The following TG variants were observed in gnomAD, a reference collection of about 807,000 sequenced individuals.
TG encodes thyroglobulin.
TG carries 270 observed loss-of-function variants against 324.7 expected under a neutral mutation model. That is an observed-to-expected ratio of 0.83 (90% CI 0.75 to 0.92). The LOEUF (loss-of-function observed/expected upper bound fraction) is 0.92. Among genes scored for constraint, TG ranks in the 40% least tolerant of loss-of-function variants. The pLI, the probability that TG is intolerant of heterozygous loss-of-function variation, is 0.00. For missense variants in TG, 3,591 were observed against 3,456.4 expected, an observed-to-expected ratio of 1.04 and a Z score of -0.98; for synonymous variants, 1,401 against 1,327.0, an observed-to-expected ratio of 1.06 and a Z score of -1.21.
intron 41 of TG, among the ~76,000 whole-genome samples, chr8:133,059,598 G>A (rs576547967): frequency 1.0e-3 from 152 of 152,108 alleles, no homozygotes; most frequent in African/African-American, 3.5e-3. Context: ...TGGGACATAA[G>A]GTTTCCTTTG....
At chr8:133,085,543 G>C (rs1244647285) in intron 41 of TG, among the ~76,000 whole-genome samples, 2 of 152,106 alleles carry the variant, frequency 1.3e-5, no homozygotes, top group Non-Finnish European at 2.9e-5. Context: ...AAATAAGCAA[G>C]GGATCTGAAT....
rs764048186 is a variant in TG at position 132,901,560 on chromosome 8, C to A, written c.3634+7C>A. On this transcript the variant is annotated splice_region_variant and intron_variant, in intron 16 of 47. Coordinates refer to ENST00000220616, the MANE Select transcript of TG (RefSeq NM_003235.5). ...GGCCAGCCCGCCTGTGAGAGTAAGT[C>A]ATGACCCCCTGGGGGGACGACGAGG... 5.0e-6 allele frequency: 8 copies of A among 1,611,840 alleles called. No homozygotes were observed. Among genetic ancestry groups the A allele is most frequent in the Non-Finnish European group, 6.8e-6 (8 of 1,179,294 alleles).
In TG at chr8:132,869,755, G is replaced by C; in HGVS notation, c.203G>C (p.Arg68Pro). 2 of 1,614,154 alleles carry C rather than the reference G, an allele frequency of 1.2e-6. No homozygotes were observed. Among genetic ancestry groups the C allele is most frequent in the Non-Finnish European group, 8.5e-7 (1 of 1,180,028 alleles). The part of the protein sequence containing the change: ...FQTVQCQNDG[R>P]SCWCVGANGS... ...ACTGTCCAGTGCCAGAACGACGGCC[G>C]CTCCTGCTGGTGTGTGGGTGCCAAC... The change falls in exon 3 of 48, where the codon CGC becomes CCC. Residue 68 changes from arginine to proline, a missense_variant. Physicochemically the swap from Arg to Pro is moderately radical, Grantham distance 103 (BLOSUM62 -2). Transcript: ENST00000220616.
intron 41 of TG, chr8:133,040,036 G>A (rs1391373729): frequency 2.6e-6 from 4 of 1,552,100 alleles, no homozygotes; most frequent in Admixed American, 2.0e-5. Context: ...TCTGACGCAA[G>A]GTGACAGGTG....
At chr8:132,941,307 C>T (rs776051866) in intron 25 of TG, 44 bp from the exon 26 acceptor site, 6 of 1,611,128 alleles carry the variant, frequency 3.7e-6, no homozygotes, top group Admixed American at 3.3e-5. Context: ...CCAACTCTGC[C>T]ATGTTTTGAG....
Position 132,919,462 on chromosome 8 carries a change from G to T in TG, c.4465G>T (p.Ala1489Ser). 1 of 1,614,094 alleles carries T rather than the reference G, an allele frequency of 6.2e-7. No individual in the cohort carries two copies. The highest frequency in any genetic ancestry group is 8.5e-7 in the Non-Finnish European group (1 of 1,179,994). Residue 1489 changes from alanine (A) to serine (S), a missense_variant, in exon 21 of 48, where the codon GCC becomes TCC. By Grantham distance (99) the Ala-to-Ser change is moderately conservative (BLOSUM62 1). Transcript: ENST00000220616. ...CTACCAAGAACAGGCAGGGAGCTTG[G>T]CCTGTGTCCCATGTCCTGTGGGCAG... is the stretch of plus-strand genomic sequence containing the variant. The part of the protein sequence containing the change: ...GFYQEQAGSL[A>S]CVPCPVGRTT...
intron 23 of TG, among the ~76,000 whole-genome samples, chr8:132,932,044 A>G (rs1424189963): frequency 1.3e-5 from 2 of 152,222 alleles, no homozygotes; most frequent in African/African-American, 4.8e-5. Flanking sequence ...CAGTGAGCCA[A>G]GATCGTGCTA....
intron 41 of TG, among the ~76,000 whole-genome samples, chr8:133,065,757 C>T (rs1009156137): frequency 1.3e-4 from 19 of 148,590 alleles, no homozygotes; most frequent in African/African-American, 4.6e-4. Context: ...AGTGAAACTC[C>T]GTCTCAAAAA....
intron 26 of TG, among the ~76,000 whole-genome samples, chr8:132,948,211 C>G (rs1587529535): frequency 6.6e-6 from 1 of 151,776 alleles, no homozygotes; most frequent in Admixed American, 6.6e-5. Context: ...TACTTTGAAT[C>G]TAAGTACTCC....
At chr8:133,083,810 C>T (rs940963969) in intron 41 of TG, among the ~76,000 whole-genome samples, 1 of 152,188 alleles carries the variant, frequency 6.6e-6, no homozygotes, top group Admixed American at 6.5e-5. Context: ...ATGTGCCCTT[C>T]TCATCCAGTG....
At position 133,096,314 on chromosome 8, in the gene TG, G is replaced by T; in HGVS notation, c.7513G>T (p.Asp2505Tyr). 6.2e-7 allele frequency: 1 copy of T among 1,614,180 alleles called. No homozygotes were observed. ...GAAGAGGTCTTTATGGGTAGAGGTC[G>T]ATCTGCTCATTGGGAGTTCTCAGGA... ...ALKRSLWVEV[D>Y]LLIGSSQDDG... The change falls in exon 43 of 48, where the codon GAT (aspartate) becomes TAT (tyrosine). Residue 2505 changes from aspartate (D) to tyrosine (Y), a missense_variant. Coordinates refer to ENST00000220616, the MANE Select transcript of TG (RefSeq NM_003235.5).
At chr8:132,997,967 A>C (rs1051119217) in intron 35 of TG, among the ~76,000 whole-genome samples, 1 of 152,174 alleles carries the variant, frequency 6.6e-6, no homozygotes. Flanking sequence ...TACAAGGGGG[A>C]TATTTCAGCA....
At chr8:133,098,210 G>C (rs975500149) in intron 43 of TG, among the ~76,000 whole-genome samples, 4 of 152,162 alleles carry the variant, frequency 2.6e-5, no homozygotes, top group Admixed American at 1.3e-4. Flanking sequence ...CTAAAACAGG[G>C]ATCCTCAAGT....
At chr8:132,949,828 C>T (rs1825854371) in intron 27 of TG, among the ~76,000 whole-genome samples, 1 of 152,208 alleles carries the variant, frequency 6.6e-6, no homozygotes, top group Non-Finnish European at 1.5e-5. Context: ...GCCTGAGGCC[C>T]CCCAGCCAGT....
At chr8:132,873,897 G>A (rs747133091) in intron 5 of TG, among the ~76,000 whole-genome samples, 11 of 152,192 alleles carry the variant, frequency 7.2e-5, no homozygotes, top group Non-Finnish European at 1.3e-4. Flanking sequence ...AAGGCCGGGC[G>A]CAGTGGCTCA....
chr8:132,915,514 G>A (rs571870480), intron 20 of TG, among the ~76,000 whole-genome samples: 43 of 152,290 alleles, frequency 2.8e-4, no homozygotes, highest in Middle Eastern at 6.8e-3. Flanking sequence ...CGGGGCTTCC[G>A]AGGGGCTGTG....
intron 26 of TG, among the ~76,000 whole-genome samples, chr8:132,943,963 T>C (rs763429517): frequency 1.3e-5 from 2 of 152,206 alleles, no homozygotes; most frequent in Non-Finnish European, 2.9e-5. Flanking sequence ...CCTCCACCTC[T>C]TGTGGGTCTG....
intron 41 of TG, among the ~76,000 whole-genome samples, chr8:133,093,459 TTGTC>T (rs1196187617): frequency 6.6e-6 from 1 of 152,166 alleles, no homozygotes; most frequent in Admixed American, 6.5e-5. Context: ...GACTCGGAGT[TTGTC>T]TAAGCGGTTA....
At position 133,121,236 on chromosome 8, in the gene TG, T is replaced by G. The variant is rs140715550; in HGVS notation, c.7862+4520T>G. 1.5e-3 allele frequency among the ~76,000 whole-genome samples: 235 copies of G among 152,202 alleles called. 2 individuals are homozygous for G. The highest frequency in any genetic ancestry group is 4.3e-3 in the Admixed American group (66 of 15,294). On this transcript the variant is annotated intron_variant, in intron 45 of 47. Transcript: ENST00000220616. ...GTTTTTAGGCTCTATGGGGCTCAGT[T>G]TTGCCACCCGTGAAGTGGGAGTAGG...
Sources: gnomAD v4.1 joint callset for allele counts (sites outside exome capture counted in the v4.1 genomes callset) on GRCh38, gnomAD v4.1.1 for gene constraint, MANE v1.5 for transcripts, NCBI Gene and HGNC (gene_info 2026-07-23, HGNC 2026-07-21) for gene names.